The following ASPM variants were observed in gnomAD, a reference collection of about 807,000 sequenced individuals.
The protein encoded by ASPM is abnormal spindle-like microcephaly-associated protein.
Under a neutral mutation model 366.4 loss-of-function variants are expected in ASPM, and 256 were observed. That is an observed-to-expected ratio of 0.70 (90% CI 0.63 to 0.77). The LOEUF (loss-of-function observed/expected upper bound fraction) is 0.77. ASPM is among the 30% of genes least tolerant of loss of function. The pLI, the probability that ASPM is intolerant of heterozygous loss-of-function variation, is 0.00. For missense variants in ASPM, 4,146 were observed against 4,090.4 expected, an observed-to-expected ratio of 1.01 and a Z score of -0.37; for synonymous variants, 1,414 against 1,342.9, an observed-to-expected ratio of 1.05 and a Z score of -1.16.
In ASPM at chr1:197,104,766, C is replaced by A; in HGVS notation, c.4485G>T (p.Gln1495His). 2 of 1,598,828 alleles carry A rather than the reference C, an allele frequency of 1.3e-6. No homozygotes were observed. Among genetic ancestry groups the A allele is most frequent in the Non-Finnish European group, 1.7e-6 (2 of 1,174,104 alleles). ...GGGCTTGAAAGCACCGAAATCTTTT[C>A]TGAATGATAACAACACAAGATCTAA... ...IYIRSCVVII[Q>H]KRFRCFQAQK... Residue 1495 changes from glutamine to histidine, a missense_variant, in exon 18 of 28, where the codon CAG becomes CAT. Gln to His is a conservative substitution (Grantham distance 24, BLOSUM62 0). Transcript: ENST00000367409.
Position 197,104,660 on chromosome 1 carries a change from G to A in ASPM, c.4591C>T (p.Arg1531Cys), listed in dbSNP as rs780484121. 98 of 1,612,912 alleles carry A rather than the reference G, an allele frequency of 6.1e-5. No homozygotes were observed. The highest frequency in any genetic ancestry group is 1.6e-4 in the Middle Eastern group (1 of 6,074). The change falls in exon 18 of 28, where the codon CGC becomes TGC. Residue 1531 changes from arginine (R) to cysteine (C), a missense_variant. Transcript: ENST00000367409. ...GCTCGTTTCTGCAAATAGTTGGTGC[G>A]CTCAATCTTTCCTTTCAGATATGCT... is the stretch of plus-strand genomic sequence containing the variant. The part of the protein sequence containing the change: ...YKAYLKGKIE[R>C]TNYLQKRAAA...
intron 6 of ASPM, among the ~76,000 whole-genome samples, 172 bp from the exon 7 acceptor site, chr1:197,132,524 G>A (rs1658290925): frequency 6.6e-6 from 1 of 152,008 alleles, no homozygotes; most frequent in African/African-American, 2.4e-5. Flanking sequence ...ATTCAAGTAT[G>A]TGGGATTTTT....
intron 27 of ASPM, 64 bp from the exon 28 acceptor site, chr1:197,084,490 T>C: frequency 2.7e-6 from 3 of 1,103,436 alleles, no homozygotes; most frequent in South Asian, 2.6e-5. Context: ...TACCTTCACC[T>C]TTTTTCTCTT....
chr1:197,121,869 T>C (rs761947940), intron 16 of ASPM, 46 bp downstream of exon 16: 1 of 1,555,368 alleles, frequency 6.4e-7, no homozygotes, highest in Non-Finnish European at 8.9e-7. Context: ...ACAAATACCT[T>C]CTAAAGTATA....
intron 3 of ASPM, 136 bp from the exon 4 acceptor site, chr1:197,140,007 C>T (rs879272619): frequency 1.3e-5 from 8 of 628,254 alleles, no homozygotes; most frequent in South Asian, 3.4e-5. Flanking sequence ...CTGTACTCCA[C>T]GCACTAATGC....
At chr1:197,112,086 T>A (rs1400393855) in intron 17 of ASPM, among the ~76,000 whole-genome samples, 1 of 152,082 alleles carries the variant, frequency 6.6e-6, no homozygotes, top group African/African-American at 2.4e-5. Flanking sequence ...ATATTCACAA[T>A]AGCAAAGACA....
chr1:197,090,835 A>G lies in ASPM; in HGVS notation c.9636+15T>C, dbSNP rs1656757237. On this transcript the variant is annotated intron_variant, in intron 23 of 27. Coordinates refer to ENST00000367409, the MANE Select transcript of ASPM (RefSeq NM_018136.5). ...AACTAAAGTTTTGAACTAAAACTAT[A>G]CAAGTTTCAATTACCTGAATTTTAA... 1 of 1,605,206 alleles carries G rather than the reference A, an allele frequency of 6.2e-7. No individual in the cohort carries two copies. Among genetic ancestry groups the G allele is most frequent in the Non-Finnish European group, 8.5e-7 (1 of 1,172,788 alleles).
Position 197,146,231 on chromosome 1 carries a change from G to A in ASPM, c.207C>T (p.Asn69=). The A allele has an allele frequency of 6.2e-7, 1 of 1,614,098 alleles. No individual in the cohort carries two copies. The highest frequency in any genetic ancestry group is 1.3e-5 in the African/African-American group (1 of 75,010). The part of the protein sequence containing the change: ...ASRTLSLALD[N]PNEEVAEVKI... ...TCACTTCTGCCACCTCCTCGTTAGG[G>A]TTGTCTAGGGCCAGAGACAGCGTCC... is the stretch of plus-strand genomic sequence containing the variant. The change falls in exon 1 of 28, where the codon AAC becomes AAT. Residue 69 remains asparagine, a synonymous_variant. Transcript: ENST00000367409.
Position 197,142,937 on chromosome 1 carries a change from G to A in ASPM, c.1315C>T (p.Pro439Ser). The A allele has an allele frequency of 6.2e-7, 1 of 1,613,982 alleles. No homozygotes were observed. The highest frequency in any genetic ancestry group is 8.5e-7 in the Non-Finnish European group (1 of 1,179,862). ...WRKSEVSPRI[P>S]ECQGSKSPKA... ...GGAGATTTTGAACCCTGACATTCAGGAATACGTGGCGAAACTTCACTTTTT... is the reference window on the plus strand; with the variant it reads ...GGAGATTTTGAACCCTGACATTCAGAAATACGTGGCGAAACTTCACTTTTT... The change falls in exon 3 of 28, where the codon CCT becomes TCT. Residue 439 changes from proline to serine, a missense_variant. By Grantham distance (74) the Pro-to-Ser change is moderately conservative. Transcript: ENST00000367409.
Position 197,101,403 on chromosome 1 carries a change from G to A in ASPM, c.7848C>T (p.Asn2616=). 6.2e-7 allele frequency: 1 copy of A among 1,608,016 alleles called. No individual in the cohort carries two copies. Residue 2616 remains asparagine, a synonymous_variant, in exon 18 of 28, where the codon AAC becomes AAT. Coordinates refer to ENST00000367409, the MANE Select transcript of ASPM (RefSeq NM_018136.5). ...TCVQAGFQDM[N]IKKQIQEQHQ... is the part of the protein sequence containing the mutation. ...GCTGTTCCTGAATCTGTTTTTTTATGTTCATGTCCTGAAAACCTGCCTGAA... is the reference window on the plus strand; with the variant it reads ...GCTGTTCCTGAATCTGTTTTTTTATATTCATGTCCTGAAAACCTGCCTGAA...
At position 197,117,818 on chromosome 1, in the gene ASPM, CT is replaced by C; in HGVS notation, c.4035del (p.Val1346PhefsTer23). 1 of 1,612,702 alleles carries C rather than the reference CT, an allele frequency of 6.2e-7. No individual in the cohort carries two copies. The highest frequency in any genetic ancestry group is 1.1e-5 in the South Asian group (1 of 90,798). Reference protein sequence around the residue: ...LLMLKKEKLEKVQNKAASLIQ... With the variant: ...LLMLKKEKLEXVQNKAASLIQ... ...ATAAGTGATGCTGCTTTATTTTGAA[CT>C]TTTTCCAGCTTTTCCTTTTTTAACA... On this transcript the variant is annotated frameshift_variant, in exon 17 of 28. Coordinates refer to ENST00000367409, the MANE Select transcript of ASPM (RefSeq NM_018136.5). LOFTEE classifies it high-confidence loss of function.
In ASPM at chr1:197,091,984, T is replaced by C; in HGVS notation, c.9367A>G (p.Arg3123Gly). Residue 3123 changes from arginine (R) to glycine (G), a missense_variant, in exon 22 of 28, where the codon AGA becomes GGA. Around this residue, in one of 3 missense-constraint regions of ASPM, gnomAD observed 3,624 missense variants for 3,591.7 expected, o/e 1.01. Transcript: ENST00000367409. ...TAAAGTTTATAGGCTCTTTGAATTCTAACAGCATTCAGGTGATAATATGCA... is the reference window on the plus strand; with the variant it reads ...TAAAGTTTATAGGCTCTTTGAATTCCAACAGCATTCAGGTGATAATATGCA... Reference protein sequence around the residue: ...AAAYYHLNAVRIQRAYKLYLA... With the variant: ...AAAYYHLNAVGIQRAYKLYLA... 1 of 1,612,044 alleles carries C rather than the reference T, an allele frequency of 6.2e-7. No homozygotes were observed. Among genetic ancestry groups the C allele is most frequent in the East Asian group, 2.2e-5 (1 of 44,748 alleles).
In ASPM at chr1:197,143,071, T is replaced by G. The variant is rs892678595; in HGVS notation, c.1181A>C (p.Asn394Thr). The G allele has an allele frequency of 6.2e-7, 1 of 1,612,920 alleles. No homozygotes were observed. Among genetic ancestry groups the G allele is most frequent in the African/African-American group, 1.3e-5 (1 of 75,036 alleles). The part of the protein sequence containing the change: ...SESVNPILSP[N>T]QFLKDNMAYM... ...TGCCATGTTATCTTTTAAAAATTGATTAGGGGATAAAATAGGATTAACTGA... is the reference window on the plus strand; with the variant it reads ...TGCCATGTTATCTTTTAAAAATTGAGTAGGGGATAAAATAGGATTAACTGA... The change falls in exon 3 of 28, where the codon AAT becomes ACT. Residue 394 changes from asparagine to threonine, a missense_variant. Physicochemically the swap from Asn to Thr is moderately conservative, Grantham distance 65. Coordinates refer to ENST00000367409, the MANE Select transcript of ASPM (RefSeq NM_018136.5).
chr1:197,115,754 G>T (rs561811860), intron 17 of ASPM, among the ~76,000 whole-genome samples: 1 of 152,080 alleles, frequency 6.6e-6, no homozygotes, highest in Non-Finnish European at 1.5e-5. Context: ...TCTCAACAAC[G>T]GACTTAGAAT....
At chr1:197,138,853 G>A (rs565729361) in intron 4 of ASPM, 7 of 894,094 alleles carry the variant, frequency 7.8e-6, no homozygotes, top group Admixed American at 1.7e-5. Flanking sequence ...TCTCCTTCCA[G>A]TTGTTTTTTC....
Position 197,142,512 on chromosome 1 carries a change from G to C in ASPM, c.1740C>G (p.Ser580Arg), listed in dbSNP as rs147457270. Residue 580 changes from serine to arginine, a missense_variant, in exon 3 of 28, where the codon AGC (serine) becomes AGG (arginine). Around this residue, in one of 3 missense-constraint regions of ASPM, gnomAD observed 3,624 missense variants for 3,591.7 expected, o/e 1.01. Coordinates refer to ENST00000367409, the MANE Select transcript of ASPM (RefSeq NM_018136.5). Reference sequence around the variant, plus strand: ...CAACTCTCACATTTGCATCTTCCATGCTTCCATCGCTCTTTCTTTTCCGAG... The same window carrying C: ...CAACTCTCACATTTGCATCTTCCATCCTTCCATCGCTCTTTCTTTTCCGAG... ...SVARKRKSDG[S>R]MEDANVRVAI... is the part of the protein sequence containing the mutation. 7.7e-5 allele frequency: 125 copies of C among 1,613,998 alleles called. 1 individual carries two copies. In the African/African-American group the frequency reaches 1.3e-3, roughly 16 times the overall value.
Position 197,104,196 on chromosome 1 carries a change from C to T in ASPM, c.5055G>A (p.Leu1685=), listed in dbSNP as rs768697877. The T allele has an allele frequency of 3.7e-6, 6 of 1,612,510 alleles. No homozygotes were observed. In the Admixed American group the frequency reaches 1.0e-4, roughly 27 times the overall value. ...TTTGTTTCATCTTAACAGTTGACTG[C>T]AATTTTATTGTAGCATTTTTTAGGC... ...FLSLKNATIK[L]QSTVKMKQTR... is the part of the protein sequence containing the mutation. Residue 1685 remains leucine (L), a synonymous_variant, in exon 18 of 28, where the codon TTG becomes TTA. Coordinates refer to ENST00000367409, the MANE Select transcript of ASPM (RefSeq NM_018136.5).
intron 7 of ASPM, 32 bp from the exon 8 acceptor site, chr1:197,130,088 A>T (rs1414839863): frequency 6.2e-7 from 1 of 1,605,838 alleles, no homozygotes; most frequent in Non-Finnish European, 8.5e-7. Flanking sequence ...AGTCAGAATT[A>T]TGCTATCTCT....
At chr1:197,117,282 A>G (rs1657764974) in intron 17 of ASPM, among the ~76,000 whole-genome samples, 1 of 152,004 alleles carries the variant, frequency 6.6e-6, no homozygotes, top group Non-Finnish European at 1.5e-5. Flanking sequence ...ACTAATTTAC[A>G]TAGATGTAAA....
Sources: allele counts gnomAD v4.1 joint callset (sites outside exome capture counted in the v4.1 genomes callset), GRCh38; gene constraint gnomAD v4.1.1; regional missense constraint gnomAD v4.1.1; transcripts MANE v1.5; gene names NCBI Gene and HGNC (gene_info 2026-07-23, HGNC 2026-07-21).